ERC2: variants seen among roughly 807,000 people sequenced by gnomAD.
The protein encoded by ERC2 is ERC protein 2.
A neutral mutation model predicts 114.8 loss-of-function variants in ERC2; 42 were observed. The observed-to-expected ratio is 0.37, with a 90% confidence interval of 0.29 to 0.47. The LOEUF is 0.47. ERC2 is among the 20% of genes least tolerant of loss of function. The pLI is 0.99. For synonymous variants in ERC2, 454 were observed against 425.5 expected, an observed-to-expected ratio of 1.07 and a Z score of -0.82; for missense variants, 939 against 1,150.7, an observed-to-expected ratio of 0.82 and a Z score of 2.66.
In ERC2 at chr3:56,010,513, C is replaced by T. The variant is rs769101058; in HGVS notation, c.1856G>A (p.Arg619Gln). ...CTCTTTCAGGTCTTTGTTCTCTTTTCGGAAGGATTCTATCTCTTCTAGTCT... is the reference window on the plus strand; with the variant it reads ...CTCTTTCAGGTCTTTGTTCTCTTTTTGGAAGGATTCTATCTCTTCTAGTCT... Reference protein sequence around the residue: ...RERLEEIESFRKENKDLKEKV... With the variant: ...RERLEEIESFQKENKDLKEKV... The change falls in exon 9 of 18, where the codon CGA becomes CAA. Residue 619 changes from arginine to glutamine, a missense_variant. This residue lies in a region of ERC2 where 149 missense variants were observed against 254.6 expected (regional missense o/e 0.59). Coordinates refer to ENST00000288221, the MANE Select transcript of ERC2 (RefSeq NM_015576.3). The T allele has an allele frequency of 5.6e-6, 9 of 1,613,554 alleles. No individual in the cohort carries two copies. In the Admixed American group the frequency reaches 1.0e-4, roughly 18 times the overall value.
At chr3:56,156,618 T>C (rs1175091126) in intron 4 of ERC2, among the ~76,000 whole-genome samples, 2 of 152,162 alleles carry the variant, frequency 1.3e-5, no homozygotes, top group Non-Finnish European at 2.9e-5. Flanking sequence ...TAGCAACCAA[T>C]GTAGCTGTAC....
chr3:55,811,181 C>T (rs1352376807), intron 14 of ERC2, among the ~76,000 whole-genome samples: 1 of 152,146 alleles, frequency 6.6e-6, no homozygotes, highest in African/African-American at 2.4e-5. Flanking sequence ...CAATACATGG[C>T]TAGGGGCCAC....
intron 10 of ERC2, among the ~76,000 whole-genome samples, chr3:56,005,173 T>C (rs891870937): frequency 5.9e-5 from 9 of 152,104 alleles, no homozygotes; most frequent in African/African-American, 1.9e-4. Flanking sequence ...ATTTAGGAGA[T>C]AGTATAAGCA....
rs184475688 is a variant in ERC2, at chr3:55,867,618, A to T, written c.2564+20771T>A. 1.3e-4 allele frequency among the ~76,000 whole-genome samples: 20 copies of T among 152,376 alleles called. No individual in the cohort carries two copies. In the East Asian group the frequency reaches 3.9e-3, roughly 29 times the overall value. ...GTGAAATGTATGCATGAGAAAAGAG[A>T]CTAAAGGAAAACAGAAATAAAATGT... On this transcript the variant is annotated intron_variant, in intron 14 of 17. Transcript: ENST00000288221.
At chr3:56,341,401 T>C (rs780523087) in intron 2 of ERC2, among the ~76,000 whole-genome samples, 8 of 152,164 alleles carry the variant, frequency 5.3e-5, no homozygotes, top group Non-Finnish European at 1.2e-4. Context: ...AAGCCTTCCA[T>C]TTTGAAGAAG....
chr3:55,850,303 T>C (rs957849243), intron 14 of ERC2, among the ~76,000 whole-genome samples: 1 of 152,244 alleles, frequency 6.6e-6, no homozygotes, highest in Admixed American at 6.5e-5. Context: ...CATTCTGAGG[T>C]TCCAGGTGGA....
At chr3:56,239,807 A>G (rs2051206200) in intron 3 of ERC2, among the ~76,000 whole-genome samples, 3 of 152,228 alleles carry the variant, frequency 2.0e-5, no homozygotes, top group South Asian at 2.1e-4. Flanking sequence ...TTCTATTCCC[A>G]TATATCACAG....
intron 12 of ERC2, among the ~76,000 whole-genome samples, chr3:55,984,270 T>C (rs76857442): frequency 4.5e-4 from 69 of 151,920 alleles, no homozygotes; most frequent in African/African-American, 1.5e-3. Context: ...TCAGAGTTCA[T>C]GTTCTTTCAC....
intron 14 of ERC2, among the ~76,000 whole-genome samples, chr3:55,754,272 T>G (rs2066909651): frequency 6.6e-6 from 1 of 152,130 alleles, no homozygotes; most frequent in Admixed American, 6.5e-5. Context: ...AATACATTTC[T>G]AGTGTTTACC....
At chr3:55,536,463 G>A (rs2107309175) in intron 17 of ERC2, among the ~76,000 whole-genome samples, 1 of 152,284 alleles carries the variant, frequency 6.6e-6, no homozygotes, top group South Asian at 2.1e-4. Flanking sequence ...TGTGGCCCTA[G>A]CACTGTGCCT....
chr3:55,873,085 A>G (rs1237214884), intron 14 of ERC2, among the ~76,000 whole-genome samples: 1 of 152,170 alleles, frequency 6.6e-6, no homozygotes, highest in East Asian at 1.9e-4. Context: ...ATCCAGCTCA[A>G]TCTCAACAGG....
chr3:55,850,847 C>CACAT (rs1433204790), intron 14 of ERC2, among the ~76,000 whole-genome samples: 7 of 127,932 alleles, frequency 5.5e-5, no homozygotes, highest in Admixed American at 4.6e-4. Flanking sequence ...CTTTTTCAAA[C>CACAT]ACACACACAC....
chr3:55,883,541 C>CACAG (rs2063210471), intron 14 of ERC2, among the ~76,000 whole-genome samples: 1 of 107,492 alleles, frequency 9.3e-6, no homozygotes, highest in African/African-American at 4.3e-5. Flanking sequence ...ATTAAACATA[C>CACAG]ACACACACAC....
At chr3:56,175,061 G>C (rs1384239608) in intron 3 of ERC2, among the ~76,000 whole-genome samples, 1 of 151,914 alleles carries the variant, frequency 6.6e-6, no homozygotes, top group East Asian at 1.9e-4. Context: ...TCCTATCCAG[G>C]ATAAGATAAG....
intron 7 of ERC2, among the ~76,000 whole-genome samples, chr3:56,021,907 CTTT>C (rs898028980): frequency 6.6e-6 from 1 of 152,202 alleles, no homozygotes; most frequent in African/African-American, 2.4e-5. Flanking sequence ...TTATCTCATT[CTTT>C]TTTATGGCTA....
chr3:56,186,114 T>TAAAAAAAAA (rs201544979), intron 3 of ERC2, among the ~76,000 whole-genome samples: 27 of 102,538 alleles, frequency 2.6e-4, no homozygotes, highest in East Asian at 1.8e-3. Context: ...TCAAGAACCT[T>TAAAAAAAAA]AAAAAAAAAA....
intron 15 of ERC2, among the ~76,000 whole-genome samples, chr3:55,715,204 G>T (rs1265660630): frequency 6.6e-6 from 1 of 152,132 alleles, no homozygotes; most frequent in Admixed American, 6.6e-5. Flanking sequence ...GAAAGGAAAG[G>T]TTCCCAAGAC....
At chr3:55,908,025 G>A (rs777552637) in intron 13 of ERC2, among the ~76,000 whole-genome samples, 3 of 152,168 alleles carry the variant, frequency 2.0e-5, no homozygotes, top group Non-Finnish European at 4.4e-5. Flanking sequence ...CTTCCCAGAA[G>A]TGATAGCGTT....
At chr3:55,933,609 A>C (rs1033250563) in intron 13 of ERC2, among the ~76,000 whole-genome samples, 3 of 152,190 alleles carry the variant, frequency 2.0e-5, no homozygotes, top group African/African-American at 7.2e-5. Context: ...CCATAGCATC[A>C]ATCAAATTAA....
Sources: gnomAD v4.1 joint callset for allele counts (sites outside exome capture counted in the v4.1 genomes callset) on GRCh38, gnomAD v4.1.1 for gene constraint, gnomAD v4.1.1 regional missense constraint, MANE v1.5 for transcripts, NCBI Gene and HGNC (gene_info 2026-07-23, HGNC 2026-07-21) for gene names.